The following UNC5D variants were observed in gnomAD, a reference collection of about 807,000 sequenced individuals.
UNC5D encodes the protein netrin receptor UNC5D.
A neutral mutation model predicts 105.4 loss-of-function variants in UNC5D; 39 were observed. That is an observed-to-expected ratio of 0.37 (90% CI 0.29 to 0.48). The LOEUF is 0.48. Among genes scored for constraint, UNC5D ranks in the 20% least tolerant of loss-of-function variants. UNC5D has a pLI of 0.98. For synonymous variants in UNC5D, 452 were observed against 450.4 expected (o/e 1.00, Z -0.04); for missense variants, 991 against 1,202.4 (o/e 0.82, Z 2.60).
intron 1 of UNC5D, among the ~76,000 whole-genome samples, chr8:35,338,393 T>C (rs1422790663): frequency 6.6e-6 from 1 of 152,078 alleles, no homozygotes; most frequent in Non-Finnish European, 1.5e-5. Context: ...CCAGTTTTGG[T>C]TTTTCTGGGG....
At chr8:35,401,245 A>C (rs931604959) in intron 1 of UNC5D, among the ~76,000 whole-genome samples, 1 of 152,134 alleles carries the variant, frequency 6.6e-6, no homozygotes, top group African/African-American at 2.4e-5. Context: ...CCACTTTGGG[A>C]GACTGAGGTG....
At chr8:35,411,961 C>T (rs1805202962) in intron 1 of UNC5D, among the ~76,000 whole-genome samples, 2 of 152,054 alleles carry the variant, frequency 1.3e-5, no homozygotes, top group Admixed American at 6.6e-5. Flanking sequence ...CCTCGCCTGT[C>T]CCCGTGATAC....
intron 1 of UNC5D, among the ~76,000 whole-genome samples, chr8:35,386,572 T>C (rs1007014701): frequency 1.3e-5 from 2 of 152,234 alleles, no homozygotes; most frequent in African/African-American, 2.4e-5. Flanking sequence ...TGTTGCTGTA[T>C]TGTTAACCAA....
At chr8:35,513,281 T>G (rs1252297656) in intron 1 of UNC5D, among the ~76,000 whole-genome samples, 2 of 149,364 alleles carry the variant, frequency 1.3e-5, no homozygotes, top group South Asian at 2.1e-4. Context: ...GAGGCTGAAG[T>G]GCAATGGTGC....
intron 1 of UNC5D, among the ~76,000 whole-genome samples, chr8:35,248,166 A>T (rs181846522): frequency 7.9e-5 from 2 of 25,304 alleles, no homozygotes; most frequent in Admixed American, 1.0e-3. Context: ...ATAAATATAT[A>T]TTATATAATA....
At chr8:35,427,849 G>T (rs1391478566) in intron 1 of UNC5D, among the ~76,000 whole-genome samples, 1 of 152,066 alleles carries the variant, frequency 6.6e-6, no homozygotes. Flanking sequence ...CAAGCTTCTG[G>T]GATATATTTC....
chr8:35,680,704 G>A (rs1825601924), intron 4 of UNC5D, among the ~76,000 whole-genome samples: 1 of 152,152 alleles, frequency 6.6e-6, no homozygotes, highest in Non-Finnish European at 1.5e-5. Flanking sequence ...CTTTAGGGCA[G>A]CTTTTCTTGA....
At chr8:35,535,372 A>G (rs2130586238) in intron 1 of UNC5D, among the ~76,000 whole-genome samples, 1 of 151,914 alleles carries the variant, frequency 6.6e-6, no homozygotes, top group South Asian at 2.1e-4. Flanking sequence ...AGTACAATTA[A>G]GCTGATTAGG....
At chr8:35,515,316 C>G (rs1813035041) in intron 1 of UNC5D, among the ~76,000 whole-genome samples, 1 of 152,214 alleles carries the variant, frequency 6.6e-6, no homozygotes, top group Non-Finnish European at 1.5e-5. Context: ...AAGTGATTTA[C>G]TGTCTCCATT....
chr8:35,338,413 G>T (rs1811212654), intron 1 of UNC5D, among the ~76,000 whole-genome samples: 1 of 152,066 alleles, frequency 6.6e-6, no homozygotes, highest in Non-Finnish European at 1.5e-5. Flanking sequence ...GTGTGTGTGT[G>T]TGTAAAACAA....
intron 14 of UNC5D, among the ~76,000 whole-genome samples, chr8:35,759,851 A>T (rs905206652): frequency 2.6e-5 from 4 of 152,122 alleles, no homozygotes; most frequent in African/African-American, 9.7e-5. Flanking sequence ...CAATGAATAA[A>T]CTGAATGTCA....
intron 1 of UNC5D, among the ~76,000 whole-genome samples, chr8:35,244,078 T>C (rs1365066895): frequency 1.3e-5 from 2 of 152,196 alleles, no homozygotes; most frequent in Non-Finnish European, 2.9e-5. Flanking sequence ...GCGTGGCTGT[T>C]TAATTCATGT....
intron 4 of UNC5D, among the ~76,000 whole-genome samples, chr8:35,653,999 T>A (rs536999221): frequency 2.1e-4 from 32 of 152,310 alleles, no homozygotes; most frequent in African/African-American, 7.0e-4. Context: ...TCTGCAGGAA[T>A]TCTTTGTGGC....
chr8:35,264,382 C>T (rs1563260934), intron 1 of UNC5D, among the ~76,000 whole-genome samples: 4 of 152,304 alleles, frequency 2.6e-5, no homozygotes, highest in African/African-American at 9.6e-5. Flanking sequence ...GAGAATACTT[C>T]GTAATGATTA....
At chr8:35,461,727 C>A (rs988333032) in intron 1 of UNC5D, among the ~76,000 whole-genome samples, 12 of 152,178 alleles carry the variant, frequency 7.9e-5, no homozygotes, top group Non-Finnish European at 1.3e-4. Flanking sequence ...GGGGACTCTG[C>A]TTCTCCAGGA....
chr8:35,786,064 G>A (rs1802729139), intron 16 of UNC5D, among the ~76,000 whole-genome samples: 1 of 152,170 alleles, frequency 6.6e-6, no homozygotes, highest in East Asian at 1.9e-4. Flanking sequence ...CCTTCTAGGT[G>A]CATGAGCTGT....
intron 4 of UNC5D, among the ~76,000 whole-genome samples, chr8:35,659,641 T>C (rs1563640729): frequency 6.6e-6 from 1 of 152,252 alleles, no homozygotes; most frequent in African/African-American, 2.4e-5. Flanking sequence ...TGCATGCATC[T>C]ATGTGGAGGT....
chr8:35,440,300 C>T (rs1159000082), intron 1 of UNC5D, among the ~76,000 whole-genome samples: 1 of 151,956 alleles, frequency 6.6e-6, no homozygotes, highest in Non-Finnish European at 1.5e-5. Context: ...CATGGGGACA[C>T]ATCACAGGAA....
chr8:35,620,043 C>G (rs1408351013), intron 4 of UNC5D, among the ~76,000 whole-genome samples: 1 of 152,184 alleles, frequency 6.6e-6, no homozygotes, highest in East Asian at 1.9e-4. Flanking sequence ...GCCCTTCCCT[C>G]ATTCAGAATA....
Sources: gnomAD v4.1 joint callset for allele counts (sites outside exome capture counted in the v4.1 genomes callset) on GRCh38, gnomAD v4.1.1 for gene constraint, MANE v1.5 for transcripts, NCBI Gene and HGNC (gene_info 2026-07-23, HGNC 2026-07-21) for gene names.